The following FGF13 variants were observed in gnomAD, a reference collection of about 807,000 sequenced individuals.
FGF13 encodes the protein fibroblast growth factor homologous factor 2.
A neutral mutation model predicts 19.5 loss-of-function variants in FGF13; 2 were observed. That is an observed-to-expected ratio of 0.10 (90% CI 0.04 to 0.32). The LOEUF (loss-of-function observed/expected upper bound fraction) is 0.32. FGF13 is among the 10% of genes least tolerant of loss of function. The pLI is 1.00. For missense variants in FGF13, 113 were observed against 192.7 expected (o/e 0.59, Z 2.45); for synonymous variants, 72 against 76.9 (o/e 0.94, Z 0.33).
At chrX:139,032,659 C>T (rs1011828651) in intron 1 of FGF13, among the ~76,000 whole-genome samples, 12 of 110,825 alleles carry the variant, frequency 1.1e-4, no homozygotes, top group Admixed American at 7.7e-4. Flanking sequence ...AGAAGGAAGG[C>T]ATCAACCAAG....
At chrX:139,136,986 C>G (rs2083806588) in intron 1 of FGF13, among the ~76,000 whole-genome samples, 1 of 112,097 alleles carries the variant, frequency 8.9e-6, no homozygotes, top group Non-Finnish European at 1.9e-5. Flanking sequence ...GTCAGGCCTA[C>G]TCTGCTAACT....
At chrX:139,180,081 C>A (rs1036621550) in intron 1 of FGF13, among the ~76,000 whole-genome samples, 1 of 112,328 alleles carries the variant, frequency 8.9e-6, no homozygotes, top group African/African-American at 3.2e-5. Context: ...TACTTTCATT[C>A]CCAGGTCCCC....
intron 3 of FGF13, among the ~76,000 whole-genome samples, chrX:138,812,659 C>T: frequency 9.0e-6 from 1 of 111,450 alleles, no homozygotes; most frequent in East Asian, 2.8e-4. Context: ...AATATAGTTA[C>T]ACATGTTTTT....
At chrX:139,100,802 G>A (rs1257525953) in intron 1 of FGF13, among the ~76,000 whole-genome samples, 1 of 111,140 alleles carries the variant, frequency 9.0e-6, no homozygotes, top group Non-Finnish European at 1.9e-5. Context: ...GCAATCTCTT[G>A]TATTCTAACA....
intron 3 of FGF13, among the ~76,000 whole-genome samples, chrX:138,748,933 G>A (rs1354570136): frequency 8.9e-6 from 1 of 111,888 alleles, no homozygotes; most frequent in Non-Finnish European, 1.9e-5. Flanking sequence ...CAAAAGAAAA[G>A]TGAAGCAGCA....
At chrX:138,826,448 A>G (rs1373602926) in intron 3 of FGF13, among the ~76,000 whole-genome samples, 1 of 112,381 alleles carries the variant, frequency 8.9e-6, no homozygotes, top group Non-Finnish European at 1.9e-5. Flanking sequence ...CCAAATTATG[A>G]TATCTTTCCA....
chrX:139,202,527 A>G, intron 1 of FGF13, among the ~76,000 whole-genome samples: 1 of 111,723 alleles, frequency 9.0e-6, no homozygotes, highest in Non-Finnish European at 1.9e-5. Flanking sequence ...CGGGGGCAAC[A>G]ATGACCCGTA....
chrX:138,697,385 G>A (rs759231628), intron 3 of FGF13, among the ~76,000 whole-genome samples: 3 of 110,136 alleles, frequency 2.7e-5, no homozygotes, highest in East Asian at 2.9e-4. Flanking sequence ...TGACTGAGCC[G>A]TTGGGATCAG....
chrX:139,047,381 T>C (rs926718010), intron 1 of FGF13, among the ~76,000 whole-genome samples: 7 of 110,371 alleles, frequency 6.3e-5, no homozygotes, highest in Middle Eastern at 4.6e-3. Flanking sequence ...AATGAGAACA[T>C]TTATTTTTTG....
At chrX:138,990,170 A>G (rs2092009627) in intron 1 of FGF13, among the ~76,000 whole-genome samples, 1 of 111,184 alleles carries the variant, frequency 9.0e-6, no homozygotes, top group African/African-American at 3.3e-5. Flanking sequence ...CTGTGGGATT[A>G]TGTGCAGGGC....
chrX:139,127,752 G>A (rs1191952007), intron 1 of FGF13, among the ~76,000 whole-genome samples: 1 of 111,349 alleles, frequency 9.0e-6, no homozygotes. Flanking sequence ...TTGTGCTTGA[G>A]CAGATGTTGG....
intron 3 of FGF13, among the ~76,000 whole-genome samples, chrX:138,797,185 T>C (rs2090785543): frequency 1.8e-5 from 2 of 111,984 alleles, no homozygotes; most frequent in Admixed American, 9.5e-5. Flanking sequence ...TTTTATGGTA[T>C]TACGTTTTAT....
At chrX:138,873,896 G>A (rs896069773) in intron 1 of FGF13, among the ~76,000 whole-genome samples, 1 of 106,395 alleles carries the variant, frequency 9.4e-6, no homozygotes, top group Non-Finnish European at 1.9e-5. Flanking sequence ...AGCAAACTAT[G>A]GCAAGGACAA....
intron 3 of FGF13, among the ~76,000 whole-genome samples, chrX:138,644,892 G>C (rs2089290158): frequency 8.9e-6 from 1 of 111,945 alleles, no homozygotes; most frequent in African/African-American, 3.3e-5. Flanking sequence ...TTAAACTGCT[G>C]CATCACATTA....
chrX:138,954,838 G>C (rs1429939504), intron 1 of FGF13, among the ~76,000 whole-genome samples: 1 of 111,888 alleles, frequency 8.9e-6, no homozygotes, highest in Non-Finnish European at 1.9e-5. Flanking sequence ...CGTCTTTGAG[G>C]ACCACTAGCA....
chrX:139,189,182 T>C (rs1448530463), intron 1 of FGF13, among the ~76,000 whole-genome samples: 1 of 111,280 alleles, frequency 9.0e-6, no homozygotes, highest in Non-Finnish European at 1.9e-5. Context: ...TGCAAGTCAT[T>C]TGGATTGATG....
upstream of FGF13, chrX:138,739,433 G>C (rs1180278097): frequency 1.0e-5 from 4 of 396,419 alleles, no homozygotes; most frequent in Non-Finnish European, 1.7e-5. Flanking sequence ...ATCATTAATG[G>C]GCATTAGTGA....
intron 1 of FGF13, among the ~76,000 whole-genome samples, chrX:139,138,926 C>CTTTT (rs758384021): frequency 2.3e-5 from 2 of 85,553 alleles, no homozygotes; most frequent in Non-Finnish European, 4.5e-5. Context: ...TGTTATTTAT[C>CTTTT]TTTTTTTTTT....
chrX:138,835,771 T>A (rs774053382), intron 3 of FGF13, among the ~76,000 whole-genome samples: 196 of 111,935 alleles, frequency 1.8e-3, no homozygotes, highest in African/African-American at 6.3e-3. Flanking sequence ...ATTCAGTGTG[T>A]TTTTGTAGTG....
Sources: gnomAD v4.1 joint callset for allele counts (sites outside exome capture counted in the v4.1 genomes callset) on GRCh38, gnomAD v4.1.1 for gene constraint, MANE v1.5 for transcripts, NCBI Gene and HGNC (gene_info 2026-07-23, HGNC 2026-07-21) for gene names.